DEPDC1: variants seen among roughly 807,000 people sequenced by gnomAD.
DEPDC1 encodes DEP domain-containing protein 1A.
In DEPDC1, 66 loss-of-function variants were observed where a neutral mutation model predicts 86.8. That is an observed-to-expected ratio of 0.76 (90% confidence interval 0.62 to 0.93). DEPDC1 has a LOEUF of 0.93. DEPDC1 is among the 40% of genes least tolerant of loss of function. The pLI, the probability that DEPDC1 is intolerant of heterozygous loss-of-function variation, is 0.00. For synonymous variants in DEPDC1, 255 were observed against 314.9 expected (o/e 0.81, Z 2.02); for missense variants, 792 against 935.7 (o/e 0.85, Z 2.00).
rs1646156414 is a variant in DEPDC1, at chr1:68,481,611, GC to G, written c.1763del (p.Ser588ThrfsTer7). On this transcript the variant is annotated frameshift_variant and splice_region_variant, in exon 9 of 12. Transcript: ENST00000456315. LOFTEE classifies it high-confidence loss of function. ...CCCTCTCTAAATGAGGTTGCAGCAA[GC>G]CTAGAATACAAAAATACCCCCCCAA... ...PASSMLTGTQ[S>X]LLQPHLERVA... The G allele has an allele frequency of 6.5e-7, 1 of 1,544,844 alleles. No homozygotes were observed. Among genetic ancestry groups the G allele is most frequent in the African/African-American group, 1.6e-5 (1 of 61,146 alleles).
intron 10 of DEPDC1, 87 bp downstream of exon 10, chr1:68,479,057 G>A: frequency 1.7e-6 from 2 of 1,174,034 alleles, no homozygotes; most frequent in Non-Finnish European, 2.4e-6. Flanking sequence ...AGCTGATAAA[G>A]TCTCCCTTTT....
intron 6 of DEPDC1, among the ~76,000 whole-genome samples, chr1:68,484,886 T>G (rs1248302625): frequency 2.6e-5 from 4 of 151,630 alleles, no homozygotes; most frequent in Non-Finnish European, 5.9e-5. Context: ...GTTCACTGAG[T>G]GTTTTCCAAA....
chr1:68,490,834 A>G (rs1404068005), intron 2 of DEPDC1, among the ~76,000 whole-genome samples: 2 of 152,196 alleles, frequency 1.3e-5, no homozygotes, highest in African/African-American at 4.8e-5. Flanking sequence ...ATAAAAACCA[A>G]CACATAGACT....
intron 11 of DEPDC1, 31 bp downstream of exon 11, chr1:68,477,756 T>C (rs1049136307): frequency 7.5e-7 from 1 of 1,329,046 alleles, no homozygotes; most frequent in Non-Finnish European, 1.0e-6. Flanking sequence ...AGAAAATGTT[T>C]ACATGATTGA....
intron 4 of DEPDC1, 71 bp from the exon 5 acceptor site, chr1:68,488,575 C>G: frequency 7.9e-7 from 1 of 1,264,188 alleles, no homozygotes; most frequent in African/African-American, 1.6e-5. Flanking sequence ...GACTAGTAAA[C>G]AAAGCCATCA....
intron 6 of DEPDC1, among the ~76,000 whole-genome samples, chr1:68,484,883 G>A (rs893167406): frequency 7.4e-5 from 11 of 148,150 alleles, no homozygotes; most frequent in African/African-American, 1.8e-4. Context: ...CTGGTTCACT[G>A]AGTGTTTTCC....
intron 2 of DEPDC1, among the ~76,000 whole-genome samples, chr1:68,491,106 T>C (rs1019971882): frequency 1.3e-5 from 2 of 152,192 alleles, no homozygotes; most frequent in African/African-American, 4.8e-5. Flanking sequence ...GGCAATATCA[T>C]TCTGGACATT....
At chr1:68,488,799 T>C in intron 4 of DEPDC1, 117 bp downstream of exon 4, 1 of 776,778 alleles carries the variant, frequency 1.3e-6, no homozygotes. Context: ...CATATACAGG[T>C]TGCATTCTAA....
At position 68,493,438 on chromosome 1, in the gene DEPDC1, A is replaced by G. The variant is rs575016609; in HGVS notation, c.314+992T>C. Among the ~76,000 whole-genome samples, 45 of 152,294 alleles carry G rather than the reference A, an allele frequency of 3.0e-4. 2 individuals are homozygous for G. Among genetic ancestry groups the G allele is most frequent in the African/African-American group, 1.0e-3 (42 of 41,562 alleles). ...TGTGGGAATCAGAAAAGCTCCACAG[A>G]AGAGGCTATAAAGGAGCTGAGATTA... On this transcript the variant is annotated intron_variant, in intron 2 of 11. Transcript: ENST00000456315.
At chr1:68,479,414 G>C in intron 9 of DEPDC1, 94 bp from the exon 10 acceptor site, 1 of 916,976 alleles carries the variant, frequency 1.1e-6, no homozygotes, top group Non-Finnish European at 1.6e-6. Flanking sequence ...GTGAAGTATT[G>C]GGAAAAAGTG....
chr1:68,482,173 C>T lies in DEPDC1; in HGVS notation c.1635G>A (p.Val545=), dbSNP rs765116533. 6.2e-6 allele frequency: 10 copies of T among 1,612,802 alleles called. No individual in the cohort carries two copies. The East Asian group carries it at 2.0e-4, about 32-fold the overall frequency. ...KPNVGQGSTS[V]QTAMESELGE... ...CGAGTTCACTTTCCATAGCTGTTTG[C>T]ACACTTGTGCTGCCTTGTCCAACAT... Residue 545 remains valine (V), a synonymous_variant, in exon 8 of 12, where the codon GTG becomes GTA. Coordinates refer to ENST00000456315, the MANE Select transcript of DEPDC1 (RefSeq NM_001114120.3).
Position 68,480,252 on chromosome 1 carries a change from C to CACCACACACACA in DEPDC1, c.1936-933_1936-932insTGTGTGTGTGGT, listed in dbSNP as rs1553155658. 2.2e-3 allele frequency among the ~76,000 whole-genome samples: 322 copies of CACCACACACACA among 145,522 alleles called. 1 individual carries two copies. The highest frequency in any genetic ancestry group is 4.2e-3 in the African/African-American group (163 of 39,188). On this transcript the variant is annotated intron_variant, in intron 9 of 11. Transcript: ENST00000456315. Reference sequence around the variant, plus strand: ...ATATCTATGCAACCCTCTAACTGTACCACACACACACACACACACACACAC... The same window carrying CACCACACACACA: ...ATATCTATGCAACCCTCTAACTGTACACCACACACACACACACACACACACACACACACACAC...
In DEPDC1 at chr1:68,486,923, T is replaced by C. The variant is rs746414602; in HGVS notation, c.769+14A>G. 161 of 1,567,278 alleles carry C rather than the reference T, an allele frequency of 1.0e-4. No homozygotes were observed. Among genetic ancestry groups the C allele is most frequent in the East Asian group, 8.9e-4 (38 of 42,740 alleles). ...ACACACACACACACACACACACACA[T>C]ATATTTAACTTACAATTTGCTAGGC... is the stretch of plus-strand genomic sequence containing the variant. On this transcript the variant is annotated intron_variant, in intron 6 of 11. Transcript: ENST00000456315.
intron 5 of DEPDC1, 35 bp from the exon 6 acceptor site, chr1:68,487,019 T>C (rs372228129): frequency 1.3e-6 from 2 of 1,573,800 alleles, no homozygotes; most frequent in Non-Finnish European, 1.7e-6. Context: ...AAGTAAACCA[T>C]ACATTTTTTA....
rs573918527 is a variant in DEPDC1 at position 68,474,505 on chromosome 1, A to G, written c.*2427T>C. On this transcript the variant is annotated 3_prime_UTR_variant, in exon 12 of 12. Transcript: ENST00000456315. ...GGCAGTAATTTCTGGGATAAGAACT[A>G]TAATTTACAGAATAACCAGACATCA... is the stretch of plus-strand genomic sequence containing the variant. 1.3e-4 allele frequency: 20 copies of G among 152,202 alleles called. No individual in the cohort carries two copies. The highest frequency in any genetic ancestry group is 4.6e-4 in the African/African-American group (19 of 41,566). The allele number at this position is 152,202 out of a possible 1,614,324, so 9.4% of individuals were successfully genotyped here.
chr1:68,495,406 C>G (rs986225881), intron 1 of DEPDC1, among the ~76,000 whole-genome samples: 4 of 151,912 alleles, frequency 2.6e-5, no homozygotes, highest in Non-Finnish European at 5.9e-5. Context: ...CTTTAATTAC[C>G]CCAATTCTAT....
At chr1:68,484,361 A>G (rs1646178107) in intron 6 of DEPDC1, among the ~76,000 whole-genome samples, 1 of 152,068 alleles carries the variant, frequency 6.6e-6, no homozygotes, top group Admixed American at 6.6e-5. Flanking sequence ...GCATTAGGGA[A>G]GCTTAGTTTA....
At chr1:68,485,811 A>T (rs1646189031) in intron 6 of DEPDC1, among the ~76,000 whole-genome samples, 1 of 152,040 alleles carries the variant, frequency 6.6e-6, no homozygotes, top group African/African-American at 2.4e-5. Flanking sequence ...ATTCAATGTC[A>T]TTTTATCATA....
intron 9 of DEPDC1, among the ~76,000 whole-genome samples, chr1:68,480,263 C>T (rs1295144030): frequency 6.6e-6 from 1 of 150,394 alleles, no homozygotes; most frequent in Non-Finnish European, 1.5e-5. Flanking sequence ...CACACACACA[C>T]ACACACACAC....
Sources: gnomAD v4.1 joint callset for allele counts (sites outside exome capture counted in the v4.1 genomes callset) on GRCh38, gnomAD v4.1.1 for gene constraint, MANE v1.5 for transcripts, NCBI Gene and HGNC (gene_info 2026-07-23, HGNC 2026-07-21) for gene names.